The following IL1RAPL2 variants were observed in gnomAD, a reference collection of about 807,000 sequenced individuals.
The protein encoded by IL1RAPL2 is interleukin 1 receptor accessory protein like 2.
IL1RAPL2 carries 3 observed loss-of-function variants against 44.1 expected under a neutral mutation model. The observed-to-expected ratio is 0.07, with a 90% CI of 0.03 to 0.18. IL1RAPL2 has a LOEUF of 0.18. Among genes scored for constraint, IL1RAPL2 ranks in the 10% least tolerant of loss-of-function variants. The pLI, the probability that IL1RAPL2 is intolerant of heterozygous loss-of-function variation, is 1.00. For missense variants in IL1RAPL2, 391 were observed against 496.4 expected, an observed-to-expected ratio of 0.79 and a Z score of 2.02; for synonymous variants, 181 against 178.8, an observed-to-expected ratio of 1.01 and a Z score of -0.10.
At chrX:105,029,137 C>G (rs946242646) in intron 2 of IL1RAPL2, among the ~76,000 whole-genome samples, 5 of 108,323 alleles carry the variant, frequency 4.6e-5, no homozygotes, top group African/African-American at 1.7e-4. Context: ...CTTGTTTTCT[C>G]ATATCTCAAT....
intron 6 of IL1RAPL2, among the ~76,000 whole-genome samples, chrX:105,567,414 T>C (rs1056503994): frequency 8.9e-6 from 1 of 111,827 alleles, no homozygotes; most frequent in African/African-American, 3.2e-5. Context: ...AGTACACATA[T>C]GTTAATTGCT....
chrX:104,893,945 T>C (rs1380459516), intron 2 of IL1RAPL2, among the ~76,000 whole-genome samples: 1 of 111,913 alleles, frequency 8.9e-6, no homozygotes, highest in Non-Finnish European at 1.9e-5. Context: ...TTTCCATGTT[T>C]AGTCCCTCCT....
intron 7 of IL1RAPL2, among the ~76,000 whole-genome samples, chrX:105,725,947 A>G (rs1181206419): frequency 9.0e-6 from 1 of 111,538 alleles, no homozygotes; most frequent in Admixed American, 9.5e-5. Flanking sequence ...CTTAATTTCT[A>G]GTTAACTAAA....
intron 2 of IL1RAPL2, among the ~76,000 whole-genome samples, chrX:105,039,727 C>G (rs760389098): frequency 8.9e-6 from 1 of 111,795 alleles, no homozygotes; most frequent in South Asian, 3.7e-4. Flanking sequence ...TGTACACTGA[C>G]TTTGTATCCT....
At chrX:104,646,009 G>T (rs1930032207) in intron 1 of IL1RAPL2, among the ~76,000 whole-genome samples, 1 of 111,937 alleles carries the variant, frequency 8.9e-6, no homozygotes, top group Non-Finnish European at 1.9e-5. Flanking sequence ...GAGATCTATG[G>T]TGGTAGGCCA....
At chrX:105,495,448 A>G (rs182539360) in intron 6 of IL1RAPL2, among the ~76,000 whole-genome samples, 30 of 112,460 alleles carry the variant, frequency 2.7e-4, no homozygotes, top group African/African-American at 9.4e-4. Flanking sequence ...ATATTAACCT[A>G]GGAATAGAGC....
chrX:105,391,617 C>A (rs1287055915), intron 5 of IL1RAPL2, among the ~76,000 whole-genome samples: 1 of 100,676 alleles, frequency 9.9e-6, no homozygotes, highest in African/African-American at 3.8e-5. Context: ...ACTAGAAATG[C>A]CATTTGACCC....
intron 2 of IL1RAPL2, among the ~76,000 whole-genome samples, chrX:104,976,780 A>T (rs1433676158): frequency 2.7e-5 from 3 of 110,820 alleles, no homozygotes; most frequent in South Asian, 3.9e-4. Flanking sequence ...TCCAACAGTG[A>T]ACCCCAAAGG....
chrX:105,737,952 C>A (rs773455141), intron 7 of IL1RAPL2, among the ~76,000 whole-genome samples: 17 of 111,728 alleles, frequency 1.5e-4, no homozygotes, highest in Non-Finnish European at 3.0e-4. Flanking sequence ...AAGATGTGGT[C>A]TCCCAAATGC....
At chrX:105,555,063 C>T (rs2147804494) in intron 6 of IL1RAPL2, among the ~76,000 whole-genome samples, 1 of 108,265 alleles carries the variant, frequency 9.2e-6, no homozygotes, top group East Asian at 2.9e-4. Context: ...CAGTTTACAG[C>T]TCTCTGGTAG....
chrX:105,226,704 C>T (rs2147631571), intron 3 of IL1RAPL2, among the ~76,000 whole-genome samples: 1 of 109,998 alleles, frequency 9.1e-6, no homozygotes, highest in South Asian at 3.9e-4. Flanking sequence ...GCCCAGCCCC[C>T]GTTACCATTC....
intron 2 of IL1RAPL2, among the ~76,000 whole-genome samples, chrX:105,014,119 GT>G (rs1215408304): frequency 1.8e-5 from 2 of 110,986 alleles, no homozygotes; most frequent in Non-Finnish European, 3.8e-5. Flanking sequence ...ATTTCTTAAG[GT>G]TTTTTTTAGC....
At chrX:105,476,498 G>T (rs2036198341) in intron 5 of IL1RAPL2, among the ~76,000 whole-genome samples, 1 of 111,751 alleles carries the variant, frequency 8.9e-6, no homozygotes, top group South Asian at 3.8e-4. Context: ...GGGATCACTG[G>T]TTCTGTTTTT....
intron 6 of IL1RAPL2, among the ~76,000 whole-genome samples, chrX:105,612,870 G>T (rs1005266977): frequency 3.6e-5 from 4 of 111,780 alleles, no homozygotes; most frequent in Non-Finnish European, 7.5e-5. Context: ...CGCCACCATG[G>T]GCTAAAGTGC....
chrX:105,173,792 G>T (rs1347268686), intron 2 of IL1RAPL2, among the ~76,000 whole-genome samples: 4 of 108,469 alleles, frequency 3.7e-5, no homozygotes, highest in African/African-American at 1.4e-4. Context: ...GAGTGCAGTG[G>T]CATGATCTCG....
At chrX:104,602,740 A>G (rs1049378960) in intron 1 of IL1RAPL2, among the ~76,000 whole-genome samples, 1 of 111,545 alleles carries the variant, frequency 9.0e-6, no homozygotes, top group Admixed American at 9.5e-5. Context: ...GGCAGAGCCC[A>G]CTGCAGCTCA....
At chrX:105,343,045 TA>T (rs397969579) in intron 5 of IL1RAPL2, among the ~76,000 whole-genome samples, 54 of 106,911 alleles carry the variant, frequency 5.1e-4, no homozygotes, top group South Asian at 1.6e-3. Context: ...GCTATTCTAT[TA>T]AAAAAAAAAT....
intron 2 of IL1RAPL2, among the ~76,000 whole-genome samples, chrX:104,675,793 T>A (rs1307826130): frequency 9.1e-6 from 1 of 110,398 alleles, no homozygotes; most frequent in Non-Finnish European, 1.9e-5. Context: ...CTGTATTGGG[T>A]GCATATATAT....
At chrX:104,647,956 G>A in intron 1 of IL1RAPL2, 1 of 821,032 alleles carries the variant, frequency 1.2e-6, no homozygotes, top group Non-Finnish European at 1.8e-6. Context: ...CAACAGCTAA[G>A]GCCAGGCCAA....
Sources: allele counts gnomAD v4.1 joint callset (sites outside exome capture counted in the v4.1 genomes callset), GRCh38; gene constraint gnomAD v4.1.1; transcripts MANE v1.5; gene names NCBI Gene and HGNC (gene_info 2026-07-23, HGNC 2026-07-21).